MAPK10: variants seen among roughly 807,000 people sequenced by gnomAD.
MAPK10 encodes the protein JNK3 alpha protein kinase.
Under a neutral mutation model 59.3 loss-of-function variants are expected in MAPK10, and 25 were observed. The observed-to-expected ratio is 0.42, with a 90% confidence interval of 0.31 to 0.59. The LOEUF is 0.59. MAPK10 is among the 20% of genes least tolerant of loss of function. The pLI, the probability that MAPK10 is intolerant of heterozygous loss-of-function variation, is 0.15. For synonymous variants in MAPK10, 190 were observed against 200.5 expected, an observed-to-expected ratio of 0.95 and a Z score of 0.44; for missense variants, 351 against 568.9, an observed-to-expected ratio of 0.62 and a Z score of 3.90.
At chr4:86,588,571 T>A (rs1245555167) in intron 1 of MAPK10, among the ~76,000 whole-genome samples, 2 of 152,310 alleles carry the variant, frequency 1.3e-5, no homozygotes, top group Non-Finnish European at 2.9e-5. Flanking sequence ...TATTTTGTTT[T>A]TGATTTTATA....
chr4:86,366,295 T>C (rs917431841), intron 1 of MAPK10, among the ~76,000 whole-genome samples: 3 of 152,120 alleles, frequency 2.0e-5, no homozygotes, highest in African/African-American at 7.2e-5. Context: ...TCTATAGTGA[T>C]GAGAAGGTCC....
chr4:86,204,662 A>G (rs1410895819), intron 2 of MAPK10, among the ~76,000 whole-genome samples: 2 of 152,108 alleles, frequency 1.3e-5, no homozygotes, highest in African/African-American at 4.8e-5. Flanking sequence ...ATGTTTAAGG[A>G]CTTCTGGGGC....
At chr4:86,079,784 A>C (rs1327688349) in intron 9 of MAPK10, 1 of 152,200 alleles carries the variant, frequency 6.6e-6, no homozygotes, top group African/African-American at 2.4e-5. Flanking sequence ...TCACTTCTGT[A>C]TATAACACTA....
At chr4:86,248,189 A>T (rs1244723793) in intron 2 of MAPK10, among the ~76,000 whole-genome samples, 1 of 152,216 alleles carries the variant, frequency 6.6e-6, no homozygotes. Context: ...TTTGACAGCC[A>T]TATAATTTCT....
chr4:86,259,062 G>C (rs761092200), intron 2 of MAPK10, among the ~76,000 whole-genome samples: 15 of 151,948 alleles, frequency 9.9e-5, no homozygotes, highest in Non-Finnish European at 1.8e-4. Flanking sequence ...TGGTTTCCAG[G>C]GCAACAGTCT....
At chr4:86,155,157 T>A (rs1370266550) in intron 4 of MAPK10, among the ~76,000 whole-genome samples, 1 of 152,024 alleles carries the variant, frequency 6.6e-6, no homozygotes, top group East Asian at 1.9e-4. Flanking sequence ...TGTCTTTTTT[T>A]AAATGAAAAT....
intron 11 of MAPK10, among the ~76,000 whole-genome samples, chr4:86,043,586 G>C (rs2041982742): frequency 6.6e-6 from 1 of 152,098 alleles, no homozygotes; most frequent in Admixed American, 6.6e-5. Context: ...TTGATTCTTT[G>C]TTCTTTGAAA....
intron 9 of MAPK10, among the ~76,000 whole-genome samples, chr4:86,083,237 G>C (rs1468295665): frequency 6.6e-6 from 1 of 151,980 alleles, no homozygotes; most frequent in Non-Finnish European, 1.5e-5. Context: ...ACCTTCATAA[G>C]GACCAAAAAT....
At chr4:86,386,736 A>C (rs1564779541) in intron 1 of MAPK10, among the ~76,000 whole-genome samples, 1 of 152,190 alleles carries the variant, frequency 6.6e-6, no homozygotes, top group Non-Finnish European at 1.5e-5. Flanking sequence ...TTAACACAAA[A>C]GGCTGATTCT....
At chr4:86,423,106 G>A (rs907163127) in intron 1 of MAPK10, among the ~76,000 whole-genome samples, 1 of 151,966 alleles carries the variant, frequency 6.6e-6, no homozygotes. Flanking sequence ...ATATACATTA[G>A]CATCACAATG....
chr4:86,071,772 C>T (rs1195194646), intron 9 of MAPK10, among the ~76,000 whole-genome samples: 4 of 150,716 alleles, frequency 2.7e-5, no homozygotes, highest in Non-Finnish European at 4.5e-5. Flanking sequence ...GGTACCAGTA[C>T]CATGCTGTTT....
At chr4:86,104,880 T>G (rs1352932726) in intron 5 of MAPK10, among the ~76,000 whole-genome samples, 4 of 152,096 alleles carry the variant, frequency 2.6e-5, no homozygotes, top group African/African-American at 9.7e-5. Flanking sequence ...CTCTTGTAAA[T>G]TCTAATTCCT....
chr4:86,331,272 C>T (rs1203847106), intron 2 of MAPK10, among the ~76,000 whole-genome samples: 1 of 152,090 alleles, frequency 6.6e-6, no homozygotes, highest in African/African-American at 2.4e-5. Flanking sequence ...TGGTCGTTTT[C>T]AAAGGAGTAG....
At chr4:86,078,895 A>G (rs1286982022) in intron 9 of MAPK10, among the ~76,000 whole-genome samples, 1 of 152,178 alleles carries the variant, frequency 6.6e-6, no homozygotes, top group Non-Finnish European at 1.5e-5. Context: ...AGGCTGAGGC[A>G]AGAGAATCAC....
At chr4:86,581,653 A>G (rs2149112650) in intron 1 of MAPK10, among the ~76,000 whole-genome samples, 1 of 148,860 alleles carries the variant, frequency 6.7e-6, no homozygotes, top group South Asian at 2.1e-4. Context: ...TTGTATAACT[A>G]AGCTATCTTT....
Position 86,324,076 on chromosome 4 carries a change from C to T in MAPK10, c.-7+30454G>A, listed in dbSNP as rs1242752733. On this transcript the variant is annotated intron_variant, in intron 2 of 13. Transcript: ENST00000641462. ...AAAGGTTTTAGAGAAGCAACATCAA[C>T]ATCAGAGTTTAAGAGAAGGGCATTT... Among the ~76,000 whole-genome samples, 5 of 152,098 alleles carry T rather than the reference C, an allele frequency of 3.3e-5. No homozygotes were observed. The South Asian group carries it at 1.0e-3, about 32-fold the overall frequency.
chr4:86,041,986 A>G (rs1286528339), intron 11 of MAPK10, among the ~76,000 whole-genome samples: 3 of 152,236 alleles, frequency 2.0e-5, no homozygotes. Flanking sequence ...GAAGGATTCT[A>G]AATTATTCTG....
intron 9 of MAPK10, among the ~76,000 whole-genome samples, chr4:86,097,804 C>G (rs1025535419): frequency 3.9e-5 from 6 of 152,004 alleles, no homozygotes; most frequent in Non-Finnish European, 7.4e-5. Flanking sequence ...ATAGATAGCT[C>G]TACAAGAAAT....
At chr4:86,145,370 A>C (rs1367009089) in intron 4 of MAPK10, among the ~76,000 whole-genome samples, 1 of 92,062 alleles carries the variant, frequency 1.1e-5, no homozygotes, top group Non-Finnish European at 2.1e-5. Context: ...TCAAAAAAAA[A>C]AAAAAAAAAA....
Sources: gnomAD v4.1 joint callset for allele counts (sites outside exome capture counted in the v4.1 genomes callset) on GRCh38, gnomAD v4.1.1 for gene constraint, MANE v1.5 for transcripts, NCBI Gene and HGNC (gene_info 2026-07-23, HGNC 2026-07-21) for gene names.